COX17: variants seen among roughly 807,000 people sequenced by gnomAD.
COX17 encodes the protein cytochrome c oxidase copper chaperone.
COX17 carries 1 observed loss-of-function variant against 6.3 expected under a neutral mutation model. The ratio of observed to expected loss-of-function variants is 0.16; its 90% CI spans 0.06 to 0.75. The LOEUF is 0.75. Ranked by LOEUF, COX17 falls within the 30% of genes least tolerant of loss-of-function variation. The pLI is 0.77. For synonymous variants in COX17, 26 were observed against 30.5 expected (o/e 0.85, Z 0.49); for missense variants, 73 against 81.2 (o/e 0.90, Z 0.39).
chr3:119,671,149 A>G (rs1320795973), intron 2 of COX17, among the ~76,000 whole-genome samples: 1 of 152,144 alleles, frequency 6.6e-6, no homozygotes, highest in Non-Finnish European at 1.5e-5. Flanking sequence ...ATTCATCTTC[A>G]ACTTAGGCCA....
At chr3:119,667,706 CACACACACACACACACACACACAGAG>C (rs2053005715), downstream of COX17, among the ~76,000 whole-genome samples, 1 of 107,650 alleles carries the variant, frequency 9.3e-6, no homozygotes. Flanking sequence ...CACACACACA[CACACACACACACACACACACACAGAG>C]AGAGAGAGAC....
intron 2 of COX17, among the ~76,000 whole-genome samples, chr3:119,671,028 G>GA (rs1010969913): frequency 2.0e-5 from 3 of 152,022 alleles, no homozygotes; most frequent in South Asian, 2.1e-4. Context: ...TCATAAAATA[G>GA]AAAAAAATTG....
intron 2 of COX17, among the ~76,000 whole-genome samples, chr3:119,672,753 A>C (rs1399663842): frequency 6.6e-6 from 1 of 152,258 alleles, no homozygotes; most frequent in Non-Finnish European, 1.5e-5. Flanking sequence ...ATAGAATCAC[A>C]AAATGTATTA....
downstream of COX17, chr3:119,666,866 T>C (rs994508807): frequency 1.3e-5 from 2 of 152,184 alleles, no homozygotes; most frequent in African/African-American, 2.4e-5. Context: ...TACAAATACA[T>C]GATGTTTATA....
chr3:119,676,436 C>T (rs1374600735), intron 1 of COX17, among the ~76,000 whole-genome samples: 1 of 152,190 alleles, frequency 6.6e-6, no homozygotes, highest in Non-Finnish European at 1.5e-5. Flanking sequence ...TGCACATTCA[C>T]GTTATCTGAG....
chr3:119,668,772 C>T (rs1280223023), downstream of COX17, among the ~76,000 whole-genome samples: 4 of 152,034 alleles, frequency 2.6e-5, no homozygotes, highest in South Asian at 6.3e-4. Context: ...TAATTATGTT[C>T]TCAGTATCTT....
intron 2 of COX17, among the ~76,000 whole-genome samples, chr3:119,670,601 T>C (rs2053034125): frequency 6.6e-6 from 1 of 152,192 alleles, no homozygotes; most frequent in South Asian, 2.1e-4. Context: ...TGATTATATC[T>C]CTGGATGTAA....
chr3:119,672,439 T>TCA (rs2053053528), intron 2 of COX17, among the ~76,000 whole-genome samples: 1 of 152,240 alleles, frequency 6.6e-6, no homozygotes, highest in Non-Finnish European at 1.5e-5. Context: ...AAGCTTTTGA[T>TCA]ATTCCTAAAA....
chr3:119,668,411 A>G (rs1263119585), downstream of COX17, among the ~76,000 whole-genome samples: 1 of 152,198 alleles, frequency 6.6e-6, no homozygotes, highest in Non-Finnish European at 1.5e-5. Context: ...TAAAAGTATT[A>G]TATCCAAATG....
intron 1 of COX17, chr3:119,676,970 C>A (rs929430739): frequency 2.9e-6 from 2 of 686,312 alleles, no homozygotes; most frequent in Non-Finnish European, 5.3e-6. Context: ...ACGAAACCTA[C>A]AAGGCCCAAT....
In COX17 at chr3:119,677,402, G is replaced by C. The variant is rs2053118494; in HGVS notation, c.-92C>G. 1 of 1,005,052 alleles carries C rather than the reference G, an allele frequency of 9.9e-7. No homozygotes were observed. Among genetic ancestry groups the C allele is most frequent in the Admixed American group, 2.0e-5 (1 of 49,312 alleles). 62.3% of individuals were successfully genotyped at this position (1,005,052 alleles called of 1,614,324 possible). A position where few individuals can be genotyped will look rare whatever the true frequency, so the allele number is the denominator to read the frequency against. Reference sequence around the variant, plus strand: ...TCGTCCGCAGTCACTTCCGGCAGTCGCTCTAAAAAGTACAGGAAGTCCTGC... The same window carrying C: ...TCGTCCGCAGTCACTTCCGGCAGTCCCTCTAAAAAGTACAGGAAGTCCTGC... On this transcript the variant is annotated 5_prime_UTR_variant, in exon 1 of 3. Coordinates refer to ENST00000261070, the MANE Select transcript of COX17 (RefSeq NM_005694.2).
chr3:119,669,440 C>T (rs1225028646), downstream of COX17: 1 of 151,940 alleles, frequency 6.6e-6, no homozygotes, highest in Non-Finnish European at 1.5e-5. Context: ...ACATAAGAAC[C>T]TTATGTTACA....
intron 1 of COX17, among the ~76,000 whole-genome samples, chr3:119,675,890 C>G (rs75071261): frequency 6.6e-6 from 1 of 152,120 alleles, no homozygotes; most frequent in Non-Finnish European, 1.5e-5. Context: ...CTGAGGCAAT[C>G]GAGGCAAAGG....
downstream of COX17, among the ~76,000 whole-genome samples, chr3:119,664,849 A>G (rs1375593943): frequency 6.6e-6 from 1 of 152,204 alleles, no homozygotes; most frequent in Non-Finnish European, 1.5e-5. Flanking sequence ...ATTGAGGGGA[A>G]AAAAGCTGGT....
chr3:119,675,077 A>G, intron 2 of COX17, 68 bp downstream of exon 2: 1 of 1,109,090 alleles, frequency 9.0e-7, no homozygotes, highest in Non-Finnish European at 1.4e-6. Flanking sequence ...ACTACCTTTC[A>G]GAGAGAATGT....
At chr3:119,675,036 G>C in intron 2 of COX17, 109 bp downstream of exon 2, 1 of 735,606 alleles carries the variant, frequency 1.4e-6, no homozygotes, top group South Asian at 1.7e-5. Flanking sequence ...TTTTCAAATT[G>C]ATACTTAAGC....
intron 2 of COX17, chr3:119,674,795 CAAAAA>C (rs58394788): frequency 1.4e-3 from 191 of 134,460 alleles, no homozygotes; most frequent in South Asian, 4.2e-3. Flanking sequence ...GACCCTGTCT[CAAAAA>C]AAAAAAAAAA....
chr3:119,671,844 C>T (rs1369612792), intron 2 of COX17, among the ~76,000 whole-genome samples: 1 of 152,188 alleles, frequency 6.6e-6, no homozygotes, highest in Non-Finnish European at 1.5e-5. Context: ...TTTTTGACTT[C>T]ACTGTGCTTC....
chr3:119,668,466 A>G (rs2053013478), downstream of COX17, among the ~76,000 whole-genome samples: 1 of 152,186 alleles, frequency 6.6e-6, no homozygotes, highest in Admixed American at 6.5e-5. Context: ...AGAGAATGCT[A>G]ATAACAGTGC....
Sources: gnomAD v4.1 joint callset for allele counts (sites outside exome capture counted in the v4.1 genomes callset) on GRCh38, gnomAD v4.1.1 for gene constraint, MANE v1.5 for transcripts, NCBI Gene and HGNC (gene_info 2026-07-23, HGNC 2026-07-21) for gene names.